Variants in VPS13B observed in about 807,000 individuals in gnomAD.
VPS13B encodes the protein intermembrane lipid transfer protein VPS13B.
A neutral mutation model predicts 426.4 loss-of-function variants in VPS13B; 285 were observed. The observed-to-expected ratio is 0.67, with a 90% CI of 0.61 to 0.74. The LOEUF is 0.74. VPS13B is among the 30% of genes least tolerant of loss of function. VPS13B has a pLI of 0.00. For synonymous variants in VPS13B, 1,676 were observed against 1,676.4 expected (o/e 1.00, Z 0.01); for missense variants, 4,537 against 4,782.6 (o/e 0.95, Z 1.51).
intron 37 of VPS13B, among the ~76,000 whole-genome samples, chr8:99,717,762 A>G (rs1340516854): frequency 1.3e-5 from 2 of 152,226 alleles, no homozygotes; most frequent in Admixed American, 6.5e-5. Flanking sequence ...AACATTTCGT[A>G]TAAATAGAAT....
At chr8:99,739,050 G>T (rs1309722917) in intron 39 of VPS13B, among the ~76,000 whole-genome samples, 1 of 152,216 alleles carries the variant, frequency 6.6e-6, no homozygotes, top group African/African-American at 2.4e-5. Context: ...GAAGCGCAAG[G>T]GGTCAGGGAA....
Position 99,556,470 on chromosome 8 carries a change from T to C in VPS13B, c.4766T>C (p.Ile1589Thr). The C allele has an allele frequency of 6.2e-7, 1 of 1,612,936 alleles. No homozygotes were observed. Among genetic ancestry groups the C allele is most frequent in the Non-Finnish European group, 8.5e-7 (1 of 1,179,462 alleles). Reference protein sequence around the residue: ...DIYQRALNLGILRDPGSEIED... With the variant: ...DIYQRALNLGTLRDPGSEIED... ...TACAGGAGAGCCTTGAACTTAGGAATTCTTCGAGATCCTGGATCAGAAATC... is the reference window on the plus strand; with the variant it reads ...TACAGGAGAGCCTTGAACTTAGGAACTCTTCGAGATCCTGGATCAGAAATC... The change falls in exon 31 of 62, where the codon ATT becomes ACT. Residue 1589 changes from isoleucine to threonine, a missense_variant. By Grantham distance (89) the Ile-to-Thr change is moderately conservative. Coordinates refer to ENST00000357162, the MANE Select transcript of VPS13B (RefSeq NM_152564.5).
At chr8:99,797,287 T>C (rs1269034248) in intron 43 of VPS13B, among the ~76,000 whole-genome samples, 1 of 152,072 alleles carries the variant, frequency 6.6e-6, no homozygotes, top group African/African-American at 2.4e-5. Context: ...TGGCCCAGGC[T>C]GGAGTGCAGT....
At chr8:99,776,097 A>G (rs976352026) in intron 40 of VPS13B, among the ~76,000 whole-genome samples, 1 of 152,158 alleles carries the variant, frequency 6.6e-6, no homozygotes, top group Admixed American at 6.6e-5. Context: ...AAATATGGGT[A>G]TGGACAATCT....
intron 3 of VPS13B, among the ~76,000 whole-genome samples, chr8:99,065,251 C>T (rs986730313): frequency 7.2e-5 from 11 of 152,064 alleles, no homozygotes; most frequent in African/African-American, 2.2e-4. Context: ...AACATTGATG[C>T]GAAAATCCTC....
Position 99,366,509 on chromosome 8 carries a change from A to G in VPS13B, c.2825-17699A>G, listed in dbSNP as rs1017670060. Among the ~76,000 whole-genome samples the G allele has an allele frequency of 5.6e-5, 8 of 142,342 alleles. No individual in the cohort carries two copies. In the East Asian group the frequency reaches 1.0e-3, roughly 18 times the overall value. 93.4% of individuals were successfully genotyped at this position (142,342 alleles called of 152,430 possible). On this transcript the variant is annotated intron_variant, in intron 19 of 61. Coordinates refer to ENST00000357162, the MANE Select transcript of VPS13B (RefSeq NM_152564.5). ...AGTGTGTTTCTGTAGGCAATAGATC[A>G]TTGGGTCTTGTTTTTTTTTGTTTTT...
intron 8 of VPS13B, among the ~76,000 whole-genome samples, chr8:99,126,113 A>G (rs1848177610): frequency 6.6e-6 from 1 of 152,164 alleles, no homozygotes. Flanking sequence ...TAATGGGACA[A>G]TAGGTCATTA....
chr8:99,791,165 G>A (rs1205246834), intron 43 of VPS13B, among the ~76,000 whole-genome samples: 1 of 152,128 alleles, frequency 6.6e-6, no homozygotes, highest in Non-Finnish European at 1.5e-5. Context: ...TTTGTGCAGT[G>A]TAACTCAATC....
intron 15 of VPS13B, among the ~76,000 whole-genome samples, chr8:99,163,615 G>A (rs888096455): frequency 2.0e-5 from 3 of 152,242 alleles, no homozygotes; most frequent in African/African-American, 7.2e-5. Context: ...GGGGGACCCA[G>A]TACACCCTCG....
rs760945498 is a variant in VPS13B at position 99,423,318 on chromosome 8, G to A, written c.3083-8219G>A. Among the ~76,000 whole-genome samples the A allele has an allele frequency of 7.2e-4, 109 of 151,826 alleles. 1 individual carries two copies. The highest frequency in any genetic ancestry group is 6.2e-4 in the Non-Finnish European group (42 of 67,972). On this transcript the variant is annotated intron_variant, in intron 21 of 61. Coordinates refer to ENST00000357162, the MANE Select transcript of VPS13B (RefSeq NM_152564.5). ...GTTGCCCAGGCTGGAATGCAGTGGG[G>A]CAAACTTGACTCACTGCAGCCTTGA...
At chr8:99,599,584 T>C (rs1219702485) in intron 33 of VPS13B, among the ~76,000 whole-genome samples, 1 of 152,120 alleles carries the variant, frequency 6.6e-6, no homozygotes, top group African/African-American at 2.4e-5. Flanking sequence ...AAGCAACTTC[T>C]GGGCTTTTGG....
At chr8:99,381,178 A>C (rs962061246) in intron 19 of VPS13B, among the ~76,000 whole-genome samples, 2 of 152,056 alleles carry the variant, frequency 1.3e-5, no homozygotes, top group Non-Finnish European at 2.9e-5. Flanking sequence ...TTCCTGCATT[A>C]GTTTGCTAAG....
rs531650505 is a variant in VPS13B, at chr8:99,415,464, G to T, written c.3083-16073G>T. Among the ~76,000 whole-genome samples, 6 of 152,142 alleles carry T rather than the reference G, an allele frequency of 3.9e-5. No individual in the cohort carries two copies. The East Asian group carries it at 9.7e-4, about 25-fold the overall frequency. ...TCCAGTTTTGTTTCCTTGCTGCAAG[G>T]AGTTGTGATCCTTTGGATAAGAGGC... On this transcript the variant is annotated intron_variant, in intron 21 of 61. Coordinates refer to ENST00000357162, the MANE Select transcript of VPS13B (RefSeq NM_152564.5).
Position 99,832,417 on chromosome 8 carries a change from G to C in VPS13B, c.9379G>C (p.Glu3127Gln). The change falls in exon 52 of 62, where the codon GAG (glutamate) becomes CAG (glutamine). Residue 3127 changes from glutamate (E) to glutamine (Q), a missense_variant. Coordinates refer to ENST00000357162, the MANE Select transcript of VPS13B (RefSeq NM_152564.5). ...SATFSICPGG[E>Q]QPAMKSSSLP... is the part of the protein sequence containing the mutation. ...TACTTTTAGCATTTGCCCAGGTGGAGAGCAGCCTGCTATGAAATCCAGCTC... is the reference window on the plus strand; with the variant it reads ...TACTTTTAGCATTTGCCCAGGTGGACAGCAGCCTGCTATGAAATCCAGCTC... 1 of 1,557,268 alleles carries C rather than the reference G, an allele frequency of 6.4e-7. No homozygotes were observed.
At chr8:99,484,842 C>A (rs534490282) in intron 25 of VPS13B, among the ~76,000 whole-genome samples, 1 of 142,520 alleles carries the variant, frequency 7.0e-6, no homozygotes, top group Non-Finnish European at 1.5e-5. Context: ...GAGACTGTGT[C>A]CTGTCTCAAA....
chr8:99,649,786 T>G (rs1234726855), intron 34 of VPS13B, among the ~76,000 whole-genome samples: 4 of 152,100 alleles, frequency 2.6e-5, no homozygotes, highest in Non-Finnish European at 2.9e-5. Flanking sequence ...CAGACAATAT[T>G]CCTGTTGGAG....
At chr8:99,861,581 C>T (rs373152737) in intron 57 of VPS13B, among the ~76,000 whole-genome samples, 195 bp from the exon 58 acceptor site, 1 of 152,212 alleles carries the variant, frequency 6.6e-6, no homozygotes, top group African/African-American at 2.4e-5. Flanking sequence ...GGATTACAGG[C>T]GTGAGCCACC....
At chr8:99,349,299 C>G (rs1811728497) in intron 19 of VPS13B, among the ~76,000 whole-genome samples, 1 of 127,380 alleles carries the variant, frequency 7.9e-6, no homozygotes, top group Non-Finnish European at 1.6e-5. Flanking sequence ...CGCCACTGCA[C>G]TCCAGCCTGG....
At chr8:99,674,839 C>G (rs1483879634) in intron 35 of VPS13B, among the ~76,000 whole-genome samples, 3 of 152,018 alleles carry the variant, frequency 2.0e-5, no homozygotes, top group Admixed American at 6.5e-5. Context: ...AAAACCTCTA[C>G]TCTTATACTC....
Sources: gnomAD v4.1 joint callset for allele counts (sites outside exome capture counted in the v4.1 genomes callset) on GRCh38, gnomAD v4.1.1 for gene constraint, MANE v1.5 for transcripts, NCBI Gene and HGNC (gene_info 2026-07-23, HGNC 2026-07-21) for gene names.